RBX1: variants seen among roughly 807,000 people sequenced by gnomAD.
The protein encoded by RBX1 is E3 ubiquitin-protein ligase RBX1.
For missense variants in RBX1, 46 were observed against 141.4 expected (o/e 0.33, Z 3.42); for synonymous variants, 48 against 47.9 (o/e 1.00, Z -0.01).
intron 2 of RBX1, among the ~76,000 whole-genome samples, chr22:40,954,939 A>G (rs565974863): frequency 6.6e-6 from 1 of 152,212 alleles, no homozygotes; most frequent in African/African-American, 2.4e-5. Context: ...GGCACCTGCC[A>G]CCACACCCAG....
At chr22:40,963,893 C>T (rs2058347369) in intron 2 of RBX1, among the ~76,000 whole-genome samples, 154 bp from the exon 3 acceptor site, 1 of 152,216 alleles carries the variant, frequency 6.6e-6, no homozygotes, top group Non-Finnish European at 1.5e-5. Flanking sequence ...CGTCAGAAAG[C>T]ATACTGTTAT....
At chr22:40,957,454 T>C (rs968736061) in intron 2 of RBX1, among the ~76,000 whole-genome samples, 1 of 151,408 alleles carries the variant, frequency 6.6e-6, no homozygotes, top group African/African-American at 2.4e-5. Context: ...AAGACCAGCC[T>C]GGGCAACATG....
At chr22:40,967,269 G>A (rs1428929099) in intron 3 of RBX1, 1 of 152,936 alleles carries the variant, frequency 6.5e-6, no homozygotes. Flanking sequence ...GAGCTGAGCT[G>A]GGTGTGGGGA....
chr22:40,954,553 G>A (rs183126311), intron 2 of RBX1, among the ~76,000 whole-genome samples: 107 of 152,206 alleles, frequency 7.0e-4, no homozygotes, highest in African/African-American at 2.5e-3. Context: ...ATCACACCAG[G>A]AACAGTTGAG....
intron 2 of RBX1, among the ~76,000 whole-genome samples, chr22:40,955,688 T>C (rs1461377686): frequency 6.6e-6 from 1 of 152,236 alleles, no homozygotes; most frequent in African/African-American, 2.4e-5. Context: ...AGTTGAGCTT[T>C]AGATCTTATC....
Position 40,967,741 on chromosome 22 carries a change from C to T in RBX1, c.229-58C>T, listed in dbSNP as rs370872419. On this transcript the variant is annotated intron_variant, in intron 3 of 4. Coordinates refer to ENST00000216225, the MANE Select transcript of RBX1 (RefSeq NM_014248.4). Reference sequence around the variant, plus strand: ...GCCACTACCCTGTGGGACCTGTTGTCGCTCGATGGCTGAGCCTGCATAGAG... The same window carrying T: ...GCCACTACCCTGTGGGACCTGTTGTTGCTCGATGGCTGAGCCTGCATAGAG... 1,161 of 1,429,266 alleles carry T rather than the reference C, an allele frequency of 8.1e-4. 2 individuals carry two copies. Among genetic ancestry groups the T allele is most frequent in the East Asian group, 1.1e-3 (48 of 41,786 alleles). 88.5% of individuals were successfully genotyped at this position (1,429,266 alleles called of 1,614,324 possible).
chr22:40,955,712 G>A (rs996799332), intron 2 of RBX1, among the ~76,000 whole-genome samples: 3 of 152,200 alleles, frequency 2.0e-5, no homozygotes, highest in African/African-American at 7.2e-5. Context: ...AACTTGCTCA[G>A]ATGTTTTCAA....
chr22:40,957,111 G>A (rs2058327770), intron 2 of RBX1, among the ~76,000 whole-genome samples: 1 of 152,094 alleles, frequency 6.6e-6, no homozygotes, highest in African/African-American at 2.4e-5. Context: ...ACTTTGGGAG[G>A]CTGAGGCGGG....
intron 2 of RBX1, among the ~76,000 whole-genome samples, chr22:40,955,627 A>C (rs2058323377): frequency 6.6e-6 from 1 of 152,238 alleles, no homozygotes; most frequent in Admixed American, 6.5e-5. Flanking sequence ...AGTGCTCAGT[A>C]GTCACATGTG....
In RBX1 at chr22:40,964,117, C is replaced by T; in HGVS notation, c.228C>T (p.Asn76=). Residue 76 remains asparagine, a splice_region_variant and synonymous_variant, in exon 3 of 5, where the codon AAC becomes AAT. Transcript: ENST00000216225. ...EECTVAWGVC[N]HAFHFHCISR... is the part of the protein sequence containing the mutation. ...GTACTGTCGCATGGGGAGTCTGTAA[C>T]GTAAGGAAGCATCTTTACCTGTCAG... The T allele has an allele frequency of 2.5e-6, 4 of 1,609,784 alleles. No homozygotes were observed. Among genetic ancestry groups the T allele is most frequent in the Non-Finnish European group, 3.4e-6 (4 of 1,176,118 alleles).
chr22:40,963,987 T>C, intron 2 of RBX1, 60 bp from the exon 3 acceptor site: 5 of 1,284,776 alleles, frequency 3.9e-6, no homozygotes, highest in Non-Finnish European at 4.5e-6. Context: ...TTTTGGCTGC[T>C]ATAGATTGAA....
intron 2 of RBX1, among the ~76,000 whole-genome samples, chr22:40,954,689 A>C (rs559349131): frequency 6.6e-6 from 1 of 151,294 alleles, no homozygotes; most frequent in African/African-American, 2.4e-5. Flanking sequence ...TGCCTTTACA[A>C]CTTTGTCTTG....
Position 40,972,614 on chromosome 22 carries a change from C to A in RBX1, c.*126C>A, listed in dbSNP as rs1026353583. ...GCTTTGTTTTTTCAGTTTGCTGTTT[C>A]TGTAGCCATATTGTATTCTGTGTCA... On this transcript the variant is annotated 3_prime_UTR_variant, in exon 5 of 5. Coordinates refer to ENST00000216225, the MANE Select transcript of RBX1 (RefSeq NM_014248.4). 3.9e-6 allele frequency: 3 copies of A among 769,460 alleles called. No individual in the cohort carries two copies. Among genetic ancestry groups the A allele is most frequent in the South Asian group, 1.6e-5 (1 of 63,982 alleles). 47.7% of individuals were successfully genotyped at this position (769,460 alleles called of 1,614,324 possible).
chr22:40,967,974 C>A, intron 4 of RBX1, 90 bp downstream of exon 4: 1 of 833,358 alleles, frequency 1.2e-6, no homozygotes, highest in Non-Finnish European at 2.0e-6. Context: ...ATGATACATG[C>A]CTTGTTTTTT....
intron 2 of RBX1, among the ~76,000 whole-genome samples, chr22:40,954,874 C>T (rs1372056273): frequency 1.3e-5 from 2 of 152,072 alleles, no homozygotes; most frequent in Non-Finnish European, 2.9e-5. Flanking sequence ...GCAACCTCCG[C>T]CTCCCGAGTT....
chr22:40,970,362 A>AG (rs1360285225), intron 4 of RBX1, among the ~76,000 whole-genome samples: 6 of 152,078 alleles, frequency 3.9e-5, no homozygotes, highest in Non-Finnish European at 8.8e-5. Flanking sequence ...AAAAAAAAAA[A>AG]AAAGGAATGT....
rs901745198 is a variant in RBX1, at chr22:40,972,764, A to T, written c.*276A>T. 5 of 399,848 alleles carry T rather than the reference A, an allele frequency of 1.3e-5. No homozygotes were observed. Among genetic ancestry groups the T allele is most frequent in the African/African-American group, 4.1e-5 (2 of 49,102 alleles). The allele number at this position is 399,848 out of a possible 1,614,324, so 24.8% of individuals were successfully genotyped here. A position where few individuals can be genotyped will look rare whatever the true frequency, so the allele number is the denominator to read the frequency against. On this transcript the variant is annotated 3_prime_UTR_variant, in exon 5 of 5. Transcript: ENST00000216225. ...GCTTTTGAAAGTGAAATGTTTGTTC[A>T]TCGGGGCCAGAGCAGGGTTGTCCTC...
At chr22:40,971,883 A>G (rs2058370090) in intron 4 of RBX1, among the ~76,000 whole-genome samples, 1 of 152,026 alleles carries the variant, frequency 6.6e-6, no homozygotes, top group South Asian at 2.1e-4. Flanking sequence ...ATCTTCTTAG[A>G]GCCAAATTTT....
rs1157705739 is a variant in RBX1, at chr22:40,964,116, ACGT to A, written c.228_228+2del. 6.2e-7 allele frequency: 1 copy of A among 1,611,316 alleles called. No homozygotes were observed. The highest frequency in any genetic ancestry group is 8.5e-7 in the Non-Finnish European group (1 of 1,177,400). ...TGTACTGTCGCATGGGGAGTCTGTA[ACGT>A]AAGGAAGCATCTTTACCTGTCAGCA... On this transcript the variant is annotated splice_donor_variant and coding_sequence_variant, in exon 3 of 5. Coordinates refer to ENST00000216225, the MANE Select transcript of RBX1 (RefSeq NM_014248.4). LOFTEE classifies it high-confidence loss of function.
Sources: allele counts gnomAD v4.1 joint callset (sites outside exome capture counted in the v4.1 genomes callset), GRCh38; gene constraint gnomAD v4.1.1; transcripts MANE v1.5; gene names NCBI Gene and HGNC (gene_info 2026-07-23, HGNC 2026-07-21).